KSR2: variants seen among roughly 807,000 people sequenced by gnomAD.
KSR2 encodes the protein kinase suppressor of ras 2.
A neutral mutation model predicts 107.8 loss-of-function variants in KSR2; 25 were observed. The observed-to-expected ratio is 0.23, with a 90% confidence interval of 0.17 to 0.32. The LOEUF is 0.32. KSR2 is among the 10% of genes least tolerant of loss of function. The pLI is 1.00. For missense variants in KSR2, 887 were observed against 1,268.9 expected (o/e 0.70, Z 4.57); for synonymous variants, 480 against 507.0 (o/e 0.95, Z 0.71).
chr12:117,880,577 G>C (rs184777078), intron 1 of KSR2, among the ~76,000 whole-genome samples: 7 of 152,202 alleles, frequency 4.6e-5, no homozygotes, highest in African/African-American at 1.4e-4. Context: ...GGCTGGGAGG[G>C]ATGGAAAACA....
intron 4 of KSR2, among the ~76,000 whole-genome samples, chr12:117,697,591 T>C (rs1838867118): frequency 6.6e-6 from 1 of 151,864 alleles, no homozygotes; most frequent in African/African-American, 2.4e-5. Flanking sequence ...AATACAAGAA[T>C]TAGCCAGGCA....
chr12:117,750,222 C>T (rs548945948), intron 4 of KSR2, among the ~76,000 whole-genome samples: 58 of 146,052 alleles, frequency 4.0e-4, no homozygotes, highest in Non-Finnish European at 7.1e-4. Context: ...TGCACTCCAG[C>T]CTGGGTGACA....
At chr12:117,785,814 A>G (rs1890050635) in intron 3 of KSR2, among the ~76,000 whole-genome samples, 1 of 152,232 alleles carries the variant, frequency 6.6e-6, no homozygotes, top group African/African-American at 2.4e-5. Flanking sequence ...CAATTAGAGA[A>G]TATCAAAAGA....
chr12:117,861,731 A>C (rs1893304606), intron 1 of KSR2, among the ~76,000 whole-genome samples: 1 of 151,950 alleles, frequency 6.6e-6, no homozygotes, highest in Non-Finnish European at 1.5e-5. Flanking sequence ...AAGGGTGGGG[A>C]AAAAGGGTGG....
intron 14 of KSR2, among the ~76,000 whole-genome samples, chr12:117,491,714 G>A (rs1872754241): frequency 6.6e-6 from 1 of 152,156 alleles, no homozygotes; most frequent in Non-Finnish European, 1.5e-5. Context: ...ATCTCTCTTC[G>A]ACATGCTGAT....
At chr12:117,615,339 C>T (rs943676488) in intron 5 of KSR2, among the ~76,000 whole-genome samples, 2 of 152,014 alleles carry the variant, frequency 1.3e-5, no homozygotes, top group African/African-American at 4.8e-5. Context: ...AAATCTTGCC[C>T]ATTAGCTCAA....
intron 14 of KSR2, among the ~76,000 whole-genome samples, chr12:117,496,174 C>G (rs1873016549): frequency 1.3e-5 from 2 of 152,184 alleles, no homozygotes; most frequent in Admixed American, 1.3e-4. Flanking sequence ...TGACTCCAAG[C>G]TGCTGGGCAT....
chr12:117,656,462 A>C (rs1884159819), intron 5 of KSR2, among the ~76,000 whole-genome samples: 1 of 152,180 alleles, frequency 6.6e-6, no homozygotes. Flanking sequence ...TAAAAATACA[A>C]AATTAGCTGG....
intron 1 of KSR2, among the ~76,000 whole-genome samples, chr12:117,933,921 C>T (rs61945392): frequency 6.6e-6 from 1 of 152,114 alleles, no homozygotes; most frequent in African/African-American, 2.4e-5. Flanking sequence ...CATGGCGCCT[C>T]TTAAATGGGA....
chr12:117,927,802 T>C (rs1008209753), intron 1 of KSR2, among the ~76,000 whole-genome samples: 1 of 152,168 alleles, frequency 6.6e-6, no homozygotes, highest in Admixed American at 6.6e-5. Flanking sequence ...ATCTAGAAAG[T>C]CATTCTGCCC....
intron 4 of KSR2, among the ~76,000 whole-genome samples, chr12:117,694,845 C>CTTTTTTTTTTTTTTTTTTTTTTTTTTTTT (rs34228762): frequency 1.0e-5 from 1 of 99,096 alleles, no homozygotes; most frequent in Non-Finnish European, 1.9e-5. Context: ...TTGTATGATT[C>CTTTTTTTTTTTTTTTTTTTTTTTTTTTTT]TTTTTTTTTT....
Position 117,525,081 on chromosome 12 carries a change from C to G in KSR2, c.1990G>C (p.Glu664Gln). 1 of 1,614,024 alleles carries G rather than the reference C, an allele frequency of 6.2e-7. No individual in the cohort carries two copies. Among genetic ancestry groups the G allele is most frequent in the Non-Finnish European group, 8.5e-7 (1 of 1,179,894 alleles). ...IFLQEWDIPF[E>Q]QLEIGELIGK... ...ATGAGCTCGCCGATCTCCAGCTGCT[C>G]AAAGGGGATGTCCCACTCCTGAAGG... The change falls in exon 14 of 20, where the codon GAG becomes CAG. Residue 664 changes from glutamate (E) to glutamine (Q), a missense_variant. Physicochemically the swap from Glu to Gln is conservative, Grantham distance 29 (BLOSUM62 2). Transcript: ENST00000339824.
intron 7 of KSR2, among the ~76,000 whole-genome samples, chr12:117,564,004 AG>A (rs1878293259): frequency 6.6e-6 from 1 of 152,164 alleles, no homozygotes; most frequent in Non-Finnish European, 1.5e-5. Flanking sequence ...TTAAAACACC[AG>A]GATTATTAAC....
intron 5 of KSR2, among the ~76,000 whole-genome samples, chr12:117,639,082 C>T (rs1883239514): frequency 6.6e-6 from 1 of 152,074 alleles, no homozygotes; most frequent in African/African-American, 2.4e-5. Context: ...GCAGCTGGTT[C>T]ACGTACATTG....
At chr12:117,845,014 C>T (rs934950594) in intron 3 of KSR2, among the ~76,000 whole-genome samples, 9 of 152,052 alleles carry the variant, frequency 5.9e-5, no homozygotes, top group Non-Finnish European at 1.2e-4. Context: ...GGCGTGGTGG[C>T]GGGTGCCTGT....
intron 3 of KSR2, among the ~76,000 whole-genome samples, chr12:117,822,789 T>G (rs893664174): frequency 3.3e-5 from 5 of 152,134 alleles, no homozygotes; most frequent in Admixed American, 3.3e-4. Flanking sequence ...AGATCAAGAT[T>G]CACAATTTCA....
At chr12:117,899,764 T>G (rs1195388227) in intron 1 of KSR2, among the ~76,000 whole-genome samples, 4 of 152,218 alleles carry the variant, frequency 2.6e-5, no homozygotes, top group African/African-American at 4.8e-5. Context: ...CAACTCATTA[T>G]CTAAAACTCT....
intron 4 of KSR2, among the ~76,000 whole-genome samples, chr12:117,727,178 C>G (rs1369513060): frequency 6.6e-6 from 1 of 151,474 alleles, no homozygotes; most frequent in African/African-American, 2.4e-5. Flanking sequence ...GAGTTTGAGA[C>G]CAGCCTGGGC....
intron 19 of KSR2, among the ~76,000 whole-genome samples, 193 bp downstream of exon 19, chr12:117,469,469 C>A (rs1304203398): frequency 6.6e-6 from 1 of 152,108 alleles, no homozygotes; most frequent in Middle Eastern, 3.2e-3. Context: ...ACCCACAGGA[C>A]AGACTCCAGC....
Sources: allele counts gnomAD v4.1 joint callset (sites outside exome capture counted in the v4.1 genomes callset), GRCh38; gene constraint gnomAD v4.1.1; transcripts MANE v1.5; gene names NCBI Gene and HGNC (gene_info 2026-07-23, HGNC 2026-07-21).